ILDR1: variants seen among roughly 807,000 people sequenced by gnomAD.
The protein encoded by ILDR1 is immunoglobulin-like domain-containing receptor 1.
Under a neutral mutation model 62.4 loss-of-function variants are expected in ILDR1, and 56 were observed. The ratio of observed to expected loss-of-function variants is 0.90; its 90% CI spans 0.72 to 1.12. The LOEUF (loss-of-function observed/expected upper bound fraction) is 1.12. ILDR1 is among the 50% of genes most tolerant of loss of function. ILDR1 has a pLI of 0.00. For synonymous variants in ILDR1, 284 were observed against 277.8 expected (o/e 1.02, Z -0.22); for missense variants, 736 against 710.6 (o/e 1.04, Z -0.41).
the ILDR1 span, among the ~76,000 whole-genome samples, chr3:122,036,740 C>T: frequency 3.3e-5 from 5 of 152,238 alleles, no homozygotes; most frequent in South Asian, 8.3e-4. Flanking sequence ...TGTTAATAAC[C>T]AAAACAATGG....
intron 1 of ILDR1, among the ~76,000 whole-genome samples, chr3:122,014,292 G>T (rs942105874): frequency 1.3e-5 from 2 of 152,152 alleles, no homozygotes; most frequent in Non-Finnish European, 2.9e-5. Flanking sequence ...CTTTCCAGAG[G>T]TACTGCTGTT....
chr3:122,043,227 G>C, the ILDR1 span, among the ~76,000 whole-genome samples: 3 of 149,074 alleles, frequency 2.0e-5, no homozygotes, highest in East Asian at 5.9e-4. Flanking sequence ...GATAGTTGTA[G>C]ATATGCGGCG....
chr3:122,039,600 A>G, the ILDR1 span, among the ~76,000 whole-genome samples: 1 of 152,052 alleles, frequency 6.6e-6, no homozygotes, highest in Non-Finnish European at 1.5e-5. Context: ...GGTAAAATTC[A>G]TTGCCAGCAG....
At chr3:122,045,604 G>T in the ILDR1 span, among the ~76,000 whole-genome samples, 2 of 150,412 alleles carry the variant, frequency 1.3e-5, no homozygotes, top group African/African-American at 4.9e-5. Context: ...GGGTGCTCCT[G>T]TATTGGGTGC....
intron 3 of ILDR1, among the ~76,000 whole-genome samples, chr3:122,003,257 GT>G (rs1456164149): frequency 2.6e-5 from 4 of 152,158 alleles, no homozygotes; most frequent in Non-Finnish European, 5.9e-5. Context: ...GTCAAGAAAT[GT>G]TTATTGAGGA....
chr3:122,033,633 AC>A, the ILDR1 span, among the ~76,000 whole-genome samples: 1 of 152,048 alleles, frequency 6.6e-6, no homozygotes, highest in African/African-American at 2.4e-5. Context: ...TTTGCCTCTT[AC>A]GTTTAGATCT....
At chr3:122,060,808 G>GC in the ILDR1 span, among the ~76,000 whole-genome samples, 1 of 152,090 alleles carries the variant, frequency 6.6e-6, no homozygotes, top group Non-Finnish European at 1.5e-5. Flanking sequence ...CAGTTCAGAG[G>GC]CAAGTTGAGA....
Position 122,001,827 on chromosome 3 carries a change from G to T in ILDR1, c.417C>A (p.Asp139Glu). Residue 139 changes from aspartate to glutamate, a missense_variant, in exon 4 of 8, where the codon GAC (aspartate) becomes GAA (glutamate). Asp to Glu is a conservative substitution (Grantham distance 45, BLOSUM62 2). Transcript: ENST00000344209. The part of the protein sequence containing the change: ...DLVINEVMWW[D>E]HGVYYCTIEA... ...CAATGGTGCAGTAATACACTCCATGGTCCCACCACATCACTTCATTTATCA... is the reference window on the plus strand; with the variant it reads ...CAATGGTGCAGTAATACACTCCATGTTCCCACCACATCACTTCATTTATCA... 4 of 1,613,528 alleles carry T rather than the reference G, an allele frequency of 2.5e-6. No homozygotes were observed. The highest frequency in any genetic ancestry group is 1.7e-4 in the Middle Eastern group (1 of 5,728).
the ILDR1 span, among the ~76,000 whole-genome samples, chr3:122,057,077 TAA>T: frequency 6.6e-6 from 1 of 152,216 alleles, no homozygotes; most frequent in African/African-American, 2.4e-5. Flanking sequence ...AGATAAATAT[TAA>T]GTTTTAAAAA....
chr3:122,031,987 G>T, the ILDR1 span, among the ~76,000 whole-genome samples: 1 of 152,096 alleles, frequency 6.6e-6, no homozygotes, highest in Non-Finnish European at 1.5e-5. Context: ...GAAGTATAAG[G>T]CAATTCTGAA....
chr3:122,048,584 T>C, the ILDR1 span, among the ~76,000 whole-genome samples: 1 of 152,220 alleles, frequency 6.6e-6, no homozygotes, highest in Non-Finnish European at 1.5e-5. Flanking sequence ...AGCTTTTGAT[T>C]GATGATTCAA....
At chr3:122,031,799 A>G in the ILDR1 span, among the ~76,000 whole-genome samples, 3 of 152,296 alleles carry the variant, frequency 2.0e-5, no homozygotes, top group East Asian at 5.8e-4. Context: ...TTGTTTATAA[A>G]CCATCCAGTC....
At chr3:122,037,407 G>C in the ILDR1 span, among the ~76,000 whole-genome samples, 1 of 152,226 alleles carries the variant, frequency 6.6e-6, no homozygotes, top group Admixed American at 6.5e-5. Context: ...CCATGAGTGT[G>C]AGACATTGAA....
At chr3:122,055,755 G>A in the ILDR1 span, among the ~76,000 whole-genome samples, 1 of 152,148 alleles carries the variant, frequency 6.6e-6, no homozygotes, top group Admixed American at 6.5e-5. Context: ...TTCAAATACT[G>A]AATGTTACAG....
chr3:122,051,162 T>A, the ILDR1 span, among the ~76,000 whole-genome samples: 1 of 152,318 alleles, frequency 6.6e-6, no homozygotes, highest in Non-Finnish European at 1.5e-5. Context: ...GGATCTGTAG[T>A]CCATTTTCTC....
chr3:122,033,673 T>C, the ILDR1 span, among the ~76,000 whole-genome samples: 3 of 152,208 alleles, frequency 2.0e-5, no homozygotes, highest in Non-Finnish European at 2.9e-5. Flanking sequence ...AGCTGTGAGA[T>C]AGGGGTTAAG....
intron 5 of ILDR1, among the ~76,000 whole-genome samples, chr3:122,000,048 GAA>G (rs111508537): frequency 2.1e-5 from 3 of 144,910 alleles, no homozygotes; most frequent in African/African-American, 2.5e-5. Flanking sequence ...GAACCTCTTT[GAA>G]AAAAAAAAAC....
the ILDR1 span, among the ~76,000 whole-genome samples, chr3:122,030,866 T>A: frequency 6.6e-6 from 1 of 152,214 alleles, no homozygotes; most frequent in African/African-American, 2.4e-5. Flanking sequence ...GGTTCTAATC[T>A]GCAGCCAGAG....
the ILDR1 span, among the ~76,000 whole-genome samples, chr3:122,034,148 A>G: frequency 6.6e-6 from 1 of 152,220 alleles, no homozygotes; most frequent in African/African-American, 2.4e-5. Context: ...GTTAAATAGT[A>G]TTGTTTAATT....
Sources: gnomAD v4.1 joint callset for allele counts (sites outside exome capture counted in the v4.1 genomes callset) on GRCh38, gnomAD v4.1.1 for gene constraint, MANE v1.5 for transcripts, NCBI Gene and HGNC (gene_info 2026-07-23, HGNC 2026-07-21) for gene names.